The following PDE3A variants were observed in gnomAD, a reference collection of about 807,000 sequenced individuals.
PDE3A encodes phosphodiesterase 3A.
A neutral mutation model predicts 98.3 loss-of-function variants in PDE3A; 43 were observed. That is an observed-to-expected ratio of 0.44 (90% CI 0.34 to 0.56). PDE3A has a LOEUF of 0.56. Among genes scored for constraint, PDE3A ranks in the 20% least tolerant of loss-of-function variants. The probability of loss-of-function intolerance (pLI) is 0.01; values close to 1 mark genes in which losing one functional copy is unlikely to be tolerated. For missense variants in PDE3A, 1,427 were observed against 1,440.7 expected (o/e 0.99, Z 0.15); for synonymous variants, 663 against 567.9 (o/e 1.17, Z -2.38).
intron 1 of PDE3A, among the ~76,000 whole-genome samples, chr12:20,460,332 C>T (rs1310352354): frequency 6.6e-6 from 1 of 152,176 alleles, no homozygotes; most frequent in African/African-American, 2.4e-5. Context: ...TTCTTTCATA[C>T]TGCTTGTTTT....
chr12:20,652,559 A>C (rs1362053970), intron 14 of PDE3A, among the ~76,000 whole-genome samples: 1 of 152,086 alleles, frequency 6.6e-6, no homozygotes, highest in Non-Finnish European at 1.5e-5. Flanking sequence ...TGGCTGCATA[A>C]ATGTCTTCTT....
At chr12:20,590,081 G>C (rs759188271) in intron 2 of PDE3A, among the ~76,000 whole-genome samples, 3 of 151,850 alleles carry the variant, frequency 2.0e-5, no homozygotes, top group Admixed American at 6.6e-5. Flanking sequence ...ACCTAGAATA[G>C]TTTTCCAAGT....
intron 1 of PDE3A, among the ~76,000 whole-genome samples, chr12:20,501,432 T>C (rs1591993747): frequency 6.6e-6 from 1 of 152,298 alleles, no homozygotes; most frequent in South Asian, 2.1e-4. Context: ...GAAGTATACA[T>C]GATTGAGCAT....
At chr12:20,650,421 A>G (rs758081862) in intron 13 of PDE3A, 24 bp from the exon 14 acceptor site, 5 of 1,545,016 alleles carry the variant, frequency 3.2e-6, no homozygotes, top group Non-Finnish European at 2.7e-6. Flanking sequence ...AGCAAAACAT[A>G]TATTAACTTT....
At chr12:20,631,712 T>TC (rs565443753) in intron 6 of PDE3A, among the ~76,000 whole-genome samples, 80 of 151,774 alleles carry the variant, frequency 5.3e-4, no homozygotes, top group African/African-American at 1.8e-3. Context: ...TTTTTTTTTT[T>TC]TTTTGTATTC....
chr12:20,609,044 T>A (rs1306716872), intron 2 of PDE3A, among the ~76,000 whole-genome samples: 2 of 152,020 alleles, frequency 1.3e-5, no homozygotes, highest in Admixed American at 6.6e-5. Flanking sequence ...TGATTAGAGA[T>A]GCACTTTAAA....
chr12:20,411,518 CTT>C (rs11336130), intron 1 of PDE3A, among the ~76,000 whole-genome samples: 3 of 151,260 alleles, frequency 2.0e-5, no homozygotes, highest in East Asian at 1.9e-4. Context: ...GCTACTTACT[CTT>C]TTTTTTTTCC....
At chr12:20,507,906 C>A (rs979792368) in intron 1 of PDE3A, among the ~76,000 whole-genome samples, 1 of 152,060 alleles carries the variant, frequency 6.6e-6, no homozygotes, top group Non-Finnish European at 1.5e-5. Flanking sequence ...ACTGTGTATT[C>A]ACAACATAAA....
At chr12:20,401,808 T>C (rs574932056) in intron 1 of PDE3A, among the ~76,000 whole-genome samples, 5 of 152,208 alleles carry the variant, frequency 3.3e-5, no homozygotes, top group Non-Finnish European at 5.9e-5. Flanking sequence ...GATCAATGTA[T>C]AATTGAGCCC....
chr12:20,632,695 C>T (rs754947550), intron 6 of PDE3A, among the ~76,000 whole-genome samples: 8 of 151,896 alleles, frequency 5.3e-5, no homozygotes, highest in African/African-American at 1.2e-4. Context: ...TGGTGGTTTA[C>T]GGTACATCTA....
chr12:20,492,116 G>C lies in PDE3A; in HGVS notation c.961-64544G>C, dbSNP rs536508675. On this transcript the variant is annotated intron_variant, in intron 1 of 15. Transcript: ENST00000359062. ...ATGCCTCAGCCTTCTGAGTAGCTGG[G>C]ATTACACGTGTGCATCACCACGTCC... Among the ~76,000 whole-genome samples, 6 of 152,164 alleles carry C rather than the reference G, an allele frequency of 3.9e-5. No individual in the cohort carries two copies. In the East Asian group the frequency reaches 1.2e-3, roughly 29 times the overall value.
intron 12 of PDE3A, 106 bp downstream of exon 12, chr12:20,647,056 A>G: frequency 1.4e-6 from 1 of 705,762 alleles, no homozygotes; most frequent in South Asian, 1.8e-5. Flanking sequence ...GCCAAACTAT[A>G]CATAGTCTTA....
intron 1 of PDE3A, among the ~76,000 whole-genome samples, chr12:20,479,630 T>A (rs908615767): frequency 3.9e-5 from 6 of 152,170 alleles, no homozygotes; most frequent in Non-Finnish European, 8.8e-5. Flanking sequence ...CTCCTTTGAG[T>A]TTATGGTCAA....
chr12:20,458,260 T>C (rs996528585), intron 1 of PDE3A, among the ~76,000 whole-genome samples: 3 of 152,094 alleles, frequency 2.0e-5, no homozygotes, highest in African/African-American at 7.2e-5. Flanking sequence ...CATATATGCC[T>C]CTGCAGTTCC....
chr12:20,530,784 G>A (rs1362024447), intron 1 of PDE3A, among the ~76,000 whole-genome samples: 1 of 151,972 alleles, frequency 6.6e-6, no homozygotes, highest in African/African-American at 2.4e-5. Flanking sequence ...TCCTCCTATA[G>A]GCCTCTTGAT....
chr12:20,663,618 G>A (rs1411087088), intron 15 of PDE3A, among the ~76,000 whole-genome samples: 1 of 152,186 alleles, frequency 6.6e-6, no homozygotes, highest in African/African-American at 2.4e-5. Context: ...CATGGGACGT[G>A]TAGCCCCTTT....
At chr12:20,393,479 T>C (rs1565535131) in intron 1 of PDE3A, among the ~76,000 whole-genome samples, 1 of 152,108 alleles carries the variant, frequency 6.6e-6, no homozygotes, top group East Asian at 1.9e-4. Context: ...AGATAAGATT[T>C]GGGTGGGGAC....
chr12:20,658,268 TA>T (rs1945086585), intron 15 of PDE3A, among the ~76,000 whole-genome samples: 1 of 152,326 alleles, frequency 6.6e-6, no homozygotes, highest in African/African-American at 2.4e-5. Flanking sequence ...CTGTGCCCCA[TA>T]CACTTTTGCC....
At chr12:20,378,304 A>G (rs1423249157) in intron 1 of PDE3A, among the ~76,000 whole-genome samples, 2 of 151,628 alleles carry the variant, frequency 1.3e-5, no homozygotes, top group East Asian at 1.9e-4. Flanking sequence ...CTTTCCTTAT[A>G]CTCTATGAAT....
Sources: allele counts gnomAD v4.1 joint callset (sites outside exome capture counted in the v4.1 genomes callset), GRCh38; gene constraint gnomAD v4.1.1; transcripts MANE v1.5; gene names NCBI Gene and HGNC (gene_info 2026-07-23, HGNC 2026-07-21).